The following C3orf85 variants were observed in gnomAD, a reference collection of about 807,000 sequenced individuals.
C3orf85 encodes chromosome 3 open reading frame 85.
A neutral mutation model predicts 1.7 loss-of-function variants in C3orf85; 1 was observed. The ratio of observed to expected loss-of-function variants is 0.60; its 90% CI spans 0.21 to 2.86. The LOEUF (loss-of-function observed/expected upper bound fraction) is 2.86, where lower values mean the gene tolerates loss of function less well. C3orf85 is among the 30% of genes most tolerant of loss of function. C3orf85 has a pLI of 0.22. For missense variants in C3orf85, 29 were observed against 21.3 expected (o/e 1.36, Z -0.72); for synonymous variants, 17 against 8.0 (o/e 2.13, Z -1.90).
At chr3:109,146,666 A>G (rs1160824765) in intron 2 of C3orf85, among the ~76,000 whole-genome samples, 2 of 152,154 alleles carry the variant, frequency 1.3e-5, no homozygotes, top group Non-Finnish European at 2.9e-5. Flanking sequence ...CCCTCACGAC[A>G]TGGCAGCTGA....
intron 3 of C3orf85, chr3:109,149,162 T>C (rs1706837083): frequency 7.1e-6 from 1 of 141,764 alleles, no homozygotes; most frequent in Non-Finnish European, 1.6e-5. Flanking sequence ...GTATAATGAA[T>C]GAATGAATTC....
chr3:109,139,701 A>AC (rs1342922762), intron 2 of C3orf85, among the ~76,000 whole-genome samples: 1 of 152,112 alleles, frequency 6.6e-6, no homozygotes, highest in Non-Finnish European at 1.5e-5. Context: ...GCTGGAGTTG[A>AC]CCCATACACG....
intron 2 of C3orf85, among the ~76,000 whole-genome samples, chr3:109,138,818 G>T (rs141082747): frequency 3.3e-5 from 5 of 152,142 alleles, no homozygotes; most frequent in Non-Finnish European, 7.3e-5. Context: ...CAGAGAATTA[G>T]AAGTTCAAGT....
intron 2 of C3orf85, among the ~76,000 whole-genome samples, chr3:109,140,018 C>G (rs1706728070): frequency 6.6e-6 from 1 of 152,186 alleles, no homozygotes; most frequent in Admixed American, 6.5e-5. Flanking sequence ...AAGACTAGCC[C>G]TTTTCAGTCA....
intron 3 of C3orf85, chr3:109,148,606 CCTT>C (rs1341478637): frequency 4.0e-6 from 2 of 494,892 alleles, no homozygotes; most frequent in Non-Finnish European, 7.2e-6. Flanking sequence ...GAAGCCTTTC[CCTT>C]CTTCTCAGGG....
At position 109,150,966 on chromosome 3, in the gene C3orf85, T is replaced by A. The variant is rs1479795414; in HGVS notation, c.*1072T>A. Reference sequence around the variant, plus strand: ...TGCCAAGAAGTTGACTGGAAGGACTTTGGCCTCAGCAATTTCTTCTCCAAA... The same window carrying A: ...TGCCAAGAAGTTGACTGGAAGGACTATGGCCTCAGCAATTTCTTCTCCAAA... On this transcript the variant is annotated 3_prime_UTR_variant, in exon 4 of 4. Transcript: ENST00000622536. Among the ~76,000 whole-genome samples the A allele has an allele frequency of 1.3e-5, 2 of 152,178 alleles. No homozygotes were observed. Among genetic ancestry groups the A allele is most frequent in the Non-Finnish European group, 2.9e-5 (2 of 68,026 alleles).
At chr3:109,145,813 A>G (rs1706791398) in intron 2 of C3orf85, among the ~76,000 whole-genome samples, 1 of 151,918 alleles carries the variant, frequency 6.6e-6, no homozygotes, top group African/African-American at 2.4e-5. Context: ...CTCTGACCAC[A>G]TCTACACCAC....
chr3:109,147,164 A>G (rs1176649276), intron 2 of C3orf85, among the ~76,000 whole-genome samples: 4 of 152,128 alleles, frequency 2.6e-5, no homozygotes, highest in Non-Finnish European at 5.9e-5. Context: ...TGACCGAGAA[A>G]ACGCCTACTT....
chr3:109,137,637 G>GTGTGTATATATATATA (rs751674362), intron 2 of C3orf85, among the ~76,000 whole-genome samples: 2,241 of 79,656 alleles, frequency 0.028, 67 homozygotes, highest in Admixed American at 0.043. Context: ...GTGTGTGTGT[G>GTGTGTATATATATATA]TATATATATA....
intron 3 of C3orf85, chr3:109,148,888 A>G (rs993611384): frequency 6.6e-6 from 1 of 152,424 alleles, no homozygotes; most frequent in African/African-American, 2.4e-5. Flanking sequence ...GTTGTTCAGT[A>G]GCTAAATATC....
In C3orf85 at chr3:109,149,992, T is replaced by C; in HGVS notation, c.*98T>C. The C allele has an allele frequency of 2.5e-6, 1 of 393,800 alleles. No individual in the cohort carries two copies. The highest frequency in any genetic ancestry group is 4.5e-6 in the Non-Finnish European group (1 of 222,818). 24.4% of individuals were successfully genotyped at this position (393,800 alleles called of 1,614,324 possible). A position where few individuals can be genotyped will look rare whatever the true frequency, so the allele number is the denominator to read the frequency against. ...TTTTAGAGATCTGAGGGTATATCCA[T>C]GCTGTTTACTACATTATTTATTATG... is the stretch of plus-strand genomic sequence containing the variant. On this transcript the variant is annotated 3_prime_UTR_variant, in exon 4 of 4. Transcript: ENST00000622536.
chr3:109,147,871 G>A (rs923749175), intron 2 of C3orf85, among the ~76,000 whole-genome samples: 5 of 152,140 alleles, frequency 3.3e-5, no homozygotes, highest in African/African-American at 1.2e-4. Context: ...CAGCAAGTGT[G>A]TGTGCATTAT....
At chr3:109,142,800 G>A (rs772656788) in intron 2 of C3orf85, among the ~76,000 whole-genome samples, 7 of 151,412 alleles carry the variant, frequency 4.6e-5, no homozygotes, top group Non-Finnish European at 1.0e-4. Flanking sequence ...CCAACAAATA[G>A]CACCCTTCTT....
At chr3:109,140,707 G>A (rs1191443036) in intron 2 of C3orf85, among the ~76,000 whole-genome samples, 1 of 152,174 alleles carries the variant, frequency 6.6e-6, no homozygotes, top group Non-Finnish European at 1.5e-5. Flanking sequence ...GAATTTCCAT[G>A]TCTACAAGAT....
At chr3:109,137,610 G>A (rs1047341578) in intron 2 of C3orf85, among the ~76,000 whole-genome samples, 4 of 106,510 alleles carry the variant, frequency 3.8e-5, no homozygotes, top group African/African-American at 1.3e-4. Flanking sequence ...CAGCTAGATA[G>A]ATGTATATAT....
At chr3:109,144,994 T>C (rs914480775) in intron 2 of C3orf85, among the ~76,000 whole-genome samples, 7 of 152,174 alleles carry the variant, frequency 4.6e-5, no homozygotes, top group Non-Finnish European at 7.3e-5. Context: ...GCATTTCATC[T>C]AAAAGCAAAA....
intron 2 of C3orf85, among the ~76,000 whole-genome samples, chr3:109,137,552 G>C (rs911328677): frequency 1.3e-5 from 2 of 149,864 alleles, no homozygotes; most frequent in East Asian, 3.9e-4. Flanking sequence ...TGAAAATCTT[G>C]AGACTCATGC....
intron 2 of C3orf85, among the ~76,000 whole-genome samples, chr3:109,137,574 AT>A (rs1480602162): frequency 2.7e-5 from 4 of 148,340 alleles, no homozygotes; most frequent in African/African-American, 9.8e-5. Context: ...CAAAAATTAT[AT>A]TTTTCCTGAA....
Position 109,136,854 on chromosome 3 carries a change from TA to T in C3orf85, c.8del (p.Tyr3LeufsTer6). The T allele has an allele frequency of 2.4e-6, 1 of 422,516 alleles. No individual in the cohort carries two copies. The highest frequency in any genetic ancestry group is 4.2e-6 in the Non-Finnish European group (1 of 236,300). 26.2% of individuals were successfully genotyped at this position (422,516 alleles called of 1,614,324 possible). Reference sequence around the variant, plus strand: ...TTTTTCCCAAAATAGGATCATGGCCTATAAAATGCTTCAAGTAGTCCTGTGC... The same window carrying T: ...TTTTTCCCAAAATAGGATCATGGCCTTAAAATGCTTCAAGTAGTCCTGTGC... MA[Y>X]KMLQVVLCST... On this transcript the variant is annotated frameshift_variant, in exon 2 of 4. Transcript: ENST00000622536. LOFTEE classifies it high-confidence loss of function.
Sources: gnomAD v4.1 joint callset for allele counts (sites outside exome capture counted in the v4.1 genomes callset) on GRCh38, gnomAD v4.1.1 for gene constraint, MANE v1.5 for transcripts, NCBI Gene and HGNC (gene_info 2026-07-23, HGNC 2026-07-21) for gene names.